The following ROR2 variants were observed in gnomAD, a reference collection of about 807,000 sequenced individuals.
The protein encoded by ROR2 is tyrosine-protein kinase transmembrane receptor ROR2.
In ROR2, 33 loss-of-function variants were observed where a neutral mutation model predicts 74.9. That is an observed-to-expected ratio of 0.44 (90% CI 0.33 to 0.59). ROR2 has a LOEUF of 0.59. Among genes scored for constraint, ROR2 ranks in the 20% least tolerant of loss-of-function variants. ROR2 has a pLI of 0.02. For synonymous variants in ROR2, 586 were observed against 558.7 expected, an observed-to-expected ratio of 1.05 and a Z score of -0.69; for missense variants, 1,216 against 1,313.8, an observed-to-expected ratio of 0.93 and a Z score of 1.15.
chr9:91,727,666 C>T (rs1837090691), intron 7 of ROR2, among the ~76,000 whole-genome samples: 1 of 152,080 alleles, frequency 6.6e-6, no homozygotes, highest in African/African-American at 2.4e-5. Flanking sequence ...CACTTTCCCA[C>T]ATCCCCAGAA....
intron 1 of ROR2, among the ~76,000 whole-genome samples, chr9:91,847,118 G>A (rs1563996538): frequency 6.6e-6 from 1 of 152,200 alleles, no homozygotes; most frequent in Admixed American, 6.5e-5. Flanking sequence ...AGGAGGGAAT[G>A]TGGGCTCAAG....
chr9:91,752,099 A>G (rs560575449), intron 4 of ROR2, among the ~76,000 whole-genome samples: 1 of 152,230 alleles, frequency 6.6e-6, no homozygotes, highest in Non-Finnish European at 1.5e-5. Flanking sequence ...GACCACACCA[A>G]TGTTGGGAAA....
intron 1 of ROR2, among the ~76,000 whole-genome samples, chr9:91,914,098 C>T (rs925792465): frequency 4.6e-5 from 7 of 152,122 alleles, no homozygotes; most frequent in Non-Finnish European, 8.8e-5. Flanking sequence ...GTCTGACCAC[C>T]GCTGCCAAGT....
intron 1 of ROR2, among the ~76,000 whole-genome samples, chr9:91,791,735 T>C (rs1826986070): frequency 6.6e-6 from 1 of 151,596 alleles, no homozygotes; most frequent in Non-Finnish European, 1.5e-5. Context: ...ACCAACTAGA[T>C]ACAACACGAA....
chr9:91,807,800 A>G (rs1827616314), intron 1 of ROR2, among the ~76,000 whole-genome samples: 1 of 152,038 alleles, frequency 6.6e-6, no homozygotes, highest in Non-Finnish European at 1.5e-5. Context: ...AATACTTGAG[A>G]GTTTTTCCAG....
At chr9:91,824,117 T>C (rs1260796845) in intron 1 of ROR2, among the ~76,000 whole-genome samples, 1 of 152,212 alleles carries the variant, frequency 6.6e-6, no homozygotes, top group African/African-American at 2.4e-5. Flanking sequence ...TGCCAGACTT[T>C]CTCTACTTCA....
chr9:91,873,721 T>C (rs866841477), intron 1 of ROR2, among the ~76,000 whole-genome samples: 1 of 152,166 alleles, frequency 6.6e-6, no homozygotes, highest in Admixed American at 6.5e-5. Context: ...TGGAACACAC[T>C]GTACCCAGCC....
intron 1 of ROR2, among the ~76,000 whole-genome samples, chr9:91,896,971 G>A (rs1019447318): frequency 5.3e-5 from 8 of 152,312 alleles, no homozygotes; most frequent in Non-Finnish European, 7.3e-5. Context: ...CGGTAACACA[G>A]CTCATTTAAA....
At position 91,724,692 on chromosome 9, in the gene ROR2, G is replaced by A. The variant is rs751398670; in HGVS notation, c.1802C>T (p.Ala601Val). ...GTGGCTGGATAGGTACTCCATCCCC[G>A]CCGCGATCTGTGCCACAAGGTGCAC... is the stretch of plus-strand genomic sequence containing the variant. ...DFVHLVAQIA[A>V]GMEYLSSHHV... Residue 601 changes from alanine (A) to valine (V), a missense_variant, in exon 9 of 9, where the codon GCG becomes GTG. Transcript: ENST00000375708. 1.2e-5 allele frequency: 20 copies of A among 1,614,072 alleles called. No individual in the cohort carries two copies. The Admixed American group carries it at 1.5e-4, about 12-fold the overall frequency.
chr9:91,871,701 A>C (rs1829802953), intron 1 of ROR2, among the ~76,000 whole-genome samples: 1 of 152,124 alleles, frequency 6.6e-6, no homozygotes, highest in African/African-American at 2.4e-5. Context: ...GTTCTGAATG[A>C]AGCCTGTAAG....
At chr9:91,744,348 A>G (rs1338081359) in intron 4 of ROR2, among the ~76,000 whole-genome samples, 1 of 147,582 alleles carries the variant, frequency 6.8e-6, no homozygotes, top group Non-Finnish European at 1.5e-5. Flanking sequence ...CAGCTTCCCA[A>G]GTAGCTGGGA....
At position 91,905,560 on chromosome 9, in the gene ROR2, TACAC is replaced by T. The variant is rs545529859; in HGVS notation, c.97+44303_97+44306del. 0.013 allele frequency among the ~76,000 whole-genome samples: 1,883 copies of T among 150,290 alleles called. 43 individuals are homozygous for T. The highest frequency in any genetic ancestry group is 0.043 in the African/African-American group (1,747 of 40,826). ...ACATACACAGACACAATACAACACA[TACAC>T]AAACATACAACACATACACAAACAT... On this transcript the variant is annotated intron_variant, in intron 1 of 8. Coordinates refer to ENST00000375708, the MANE Select transcript of ROR2 (RefSeq NM_004560.4). The surrounding 1 kb of genome is among the most constrained non-coding windows in gnomAD (Gnocchi z 5.3).
chr9:91,836,539 C>CAAAAAAAAAAAAAAAAAAAAAAAAAAAA lies in ROR2; in HGVS notation c.98-60722_98-60721insTTTTTTTTTTTTTTTTTTTTTTTTTTTT, dbSNP rs753563302. On this transcript the variant is annotated intron_variant, in intron 1 of 8. Transcript: ENST00000375708. ...TGGAAGACAGAGTGAGATTCCATCT[C>CAAAAAAAAAAAAAAAAAAAAAAAAAAAA]AAAAAAAAAAAAAAACAGTCTGCAG... Among the ~76,000 whole-genome samples, 8 of 102,480 alleles carry CAAAAAAAAAAAAAAAAAAAAAAAAAAAA rather than the reference C, an allele frequency of 7.8e-5. 1 individual carries two copies. Among genetic ancestry groups the CAAAAAAAAAAAAAAAAAAAAAAAAAAAA allele is most frequent in the African/African-American group, 2.6e-4 (8 of 30,322 alleles). The allele number at this position is 102,480 out of a possible 152,430, so 67.2% of individuals were successfully genotyped here. A position where few individuals can be genotyped will look rare whatever the true frequency, so the allele number is the denominator to read the frequency against.
intron 1 of ROR2, among the ~76,000 whole-genome samples, chr9:91,922,783 A>G (rs1831306241): frequency 6.6e-6 from 1 of 152,050 alleles, no homozygotes. Flanking sequence ...TTAGATGGGA[A>G]TCTTCTCCAA....
intron 5 of ROR2, among the ~76,000 whole-genome samples, chr9:91,734,225 A>T (rs1259435831): frequency 6.6e-6 from 1 of 152,150 alleles, no homozygotes; most frequent in Non-Finnish European, 1.5e-5. Flanking sequence ...AAGCTGGCCA[A>T]GGCAGGGCTC....
intron 1 of ROR2, among the ~76,000 whole-genome samples, chr9:91,868,725 A>T (rs1451552511): frequency 6.6e-6 from 1 of 152,248 alleles, no homozygotes; most frequent in Non-Finnish European, 1.5e-5. Flanking sequence ...CAGTGAAAAC[A>T]TCACTAAGGG....
intron 1 of ROR2, among the ~76,000 whole-genome samples, chr9:91,935,397 C>A (rs1209206886): frequency 2.6e-5 from 4 of 152,230 alleles, no homozygotes; most frequent in Non-Finnish European, 5.9e-5. Context: ...AGAGAGCTCC[C>A]TGACACACCC....
Position 91,733,468 on chromosome 9 carries a change from G to T in ROR2, c.623-32C>A. 1 of 1,597,914 alleles carries T rather than the reference G, an allele frequency of 6.3e-7. No individual in the cohort carries two copies. ...AGCCCGCGAGACTCGCGTTAGCGGG[G>T]GACCCACCTTGCGCCCTTGACATTC... On this transcript the variant is annotated intron_variant, in intron 5 of 8. Coordinates refer to ENST00000375708, the MANE Select transcript of ROR2 (RefSeq NM_004560.4). This position sits in a 1 kb window ranked among gnomAD's most constrained non-coding sequence, Gnocchi z 5.7.
At chr9:91,730,038 C>T (rs892193322) in intron 7 of ROR2, among the ~76,000 whole-genome samples, 3 of 152,158 alleles carry the variant, frequency 2.0e-5, no homozygotes, top group Non-Finnish European at 1.5e-5. Flanking sequence ...CTCACTGCAG[C>T]CTTGAACTAC....
Sources: allele counts gnomAD v4.1 joint callset (sites outside exome capture counted in the v4.1 genomes callset), GRCh38; gene constraint gnomAD v4.1.1; non-coding constraint Gnocchi (gnomAD v3.1); transcripts MANE v1.5; gene names NCBI Gene and HGNC (gene_info 2026-07-23, HGNC 2026-07-21).